Variants in DVL1 observed in about 807,000 individuals in gnomAD.
DVL1 encodes segment polarity protein dishevelled homolog DVL-1.
Under a neutral mutation model 65.0 loss-of-function variants are expected in DVL1, and 49 were observed. The ratio of observed to expected loss-of-function variants is 0.75; its 90% CI spans 0.60 to 0.96. The LOEUF (loss-of-function observed/expected upper bound fraction) is 0.96, where lower values mean the gene tolerates loss of function less well. DVL1 is among the 40% of genes least tolerant of loss of function. The pLI is 0.00. For missense variants in DVL1, 1,197 were observed against 1,045.4 expected (o/e 1.15, Z -2.00); for synonymous variants, 608 against 433.9 (o/e 1.40, Z -4.99).
At chr1:1,345,091 G>C (rs1569738202) in intron 1 of DVL1, among the ~76,000 whole-genome samples, 1 of 152,078 alleles carries the variant, frequency 6.6e-6, no homozygotes, top group East Asian at 1.9e-4. Flanking sequence ...GGCTCCACCG[G>C]AAGAGGGCCC....
In DVL1 at chr1:1,341,714, A is replaced by G; in HGVS notation, c.558T>C (p.Leu186=). ...CCGAGTCCACAAAGCTGCTGGACTC[A>G]AGCTCGCTGCTGAGGGCGGTGGACG... is the stretch of plus-strand genomic sequence containing the variant. ...DSASTALSSE[L]ESSSFVDSDE... Residue 186 remains leucine, a synonymous_variant, in exon 5 of 15, where the codon CTT becomes CTC. Transcript: ENST00000378888. 1 of 1,611,648 alleles carries G rather than the reference A, an allele frequency of 6.2e-7. No individual in the cohort carries two copies. Among genetic ancestry groups the G allele is most frequent in the Non-Finnish European group, 8.5e-7 (1 of 1,179,014 alleles).
chr1:1,342,062 G>C lies in DVL1; in HGVS notation c.457C>G (p.Arg153Gly), dbSNP rs143905285. 3 of 1,580,914 alleles carry C rather than the reference G, an allele frequency of 1.9e-6. No homozygotes were observed. In the Admixed American group the frequency reaches 5.4e-5, roughly 29 times the overall value. Residue 153 changes from arginine (R) to glycine (G), a missense_variant, in exon 4 of 15, where the codon CGC becomes GGC. Transcript: ENST00000378888. ...HRRERARRRNREEAARTNGHP... is the reference protein window; with the variant it reads ...HRRERARRRNGEEAARTNGHP... ...GACATGACCACTGTACCCTCCTCGC[G>C]GTTCCGGCGTCGGGCACGCTCCCGC...
intron 1 of DVL1, 54 bp from the exon 2 acceptor site, chr1:1,342,812 C>G (rs1367641459): frequency 6.3e-7 from 1 of 1,585,814 alleles, no homozygotes; most frequent in Admixed American, 1.7e-5. Context: ...CCCTGCGGTT[C>G]TAGAGGTGAG....
chr1:1,340,768 A>G (rs1643775533), intron 5 of DVL1, among the ~76,000 whole-genome samples: 2 of 150,942 alleles, frequency 1.3e-5, no homozygotes, highest in Admixed American at 6.6e-5. Flanking sequence ...ACCTGCACAC[A>G]CATGCACACC....
At position 1,339,394 on chromosome 1, in the gene DVL1, G is replaced by A. The variant is rs1281682617; in HGVS notation, c.1100C>T (p.Thr367Met). The A allele has an allele frequency of 1.6e-5, 25 of 1,549,000 alleles. No individual in the cohort carries two copies. The highest frequency in any genetic ancestry group is 2.2e-5 in the Non-Finnish European group (25 of 1,146,768). Residue 367 changes from threonine (T) to methionine (M), a missense_variant, in exon 11 of 15, where the codon ACG (threonine) becomes ATG (methionine). By Grantham distance (81) the Thr-to-Met change is moderately conservative (BLOSUM62 -1). Coordinates refer to ENST00000378888, the MANE Select transcript of DVL1 (RefSeq NM_001330311.2). ...GGGCAGGGCTCCTGTCAGTGCCGCC[G>A]TGTGGGACAGCCAGGCGGCGGGGTC... ...PIDPAAWLSH[T>M]AALTGALPRY...
chr1:1,346,011 C>T (rs912771742), intron 1 of DVL1, among the ~76,000 whole-genome samples: 1 of 152,134 alleles, frequency 6.6e-6, no homozygotes, highest in East Asian at 1.9e-4. Flanking sequence ...AGTGTCCCTG[C>T]TAGGCCATGG....
chr1:1,345,634 G>C (rs537212139), intron 1 of DVL1, among the ~76,000 whole-genome samples: 2 of 152,172 alleles, frequency 1.3e-5, no homozygotes, highest in Non-Finnish European at 2.9e-5. Flanking sequence ...CCGCCCCGGG[G>C]AGGAATCCAC....
At position 1,340,250 on chromosome 1, in the gene DVL1, T is replaced by C. The variant is rs903941906; in HGVS notation, c.766A>G (p.Met256Val). 4 of 1,613,818 alleles carry C rather than the reference T, an allele frequency of 2.5e-6. No individual in the cohort carries two copies. The highest frequency in any genetic ancestry group is 4.5e-5 in the East Asian group (2 of 44,876). The part of the protein sequence containing the change: ...SLNIVTVTLN[M>V]ERHHFLGISI... ...AACCCTCGCCCCGAGGCCTCACCCA[T>C]GTTGAGCGTGACAGTGACGATGTTG... is the stretch of plus-strand genomic sequence containing the variant. Residue 256 changes from methionine (M) to valine (V), a missense_variant, in exon 7 of 15, where the codon ATG becomes GTG. Physicochemically the swap from Met to Val is conservative, Grantham distance 21. Coordinates refer to ENST00000378888, the MANE Select transcript of DVL1 (RefSeq NM_001330311.2).
In DVL1 at chr1:1,337,968, C is replaced by T. The variant is rs766379009; in HGVS notation, c.1714+9G>A. ...GCCGGGGAAGGGCAGGTAGGGGCGG[C>T]GTTCTCACCTTCACTCTGCTGACTC... is the stretch of plus-strand genomic sequence containing the variant. On this transcript the variant is annotated intron_variant, in intron 14 of 14. Transcript: ENST00000378888. 8 of 1,608,986 alleles carry T rather than the reference C, an allele frequency of 5.0e-6. No homozygotes were observed. The highest frequency in any genetic ancestry group is 1.7e-5 in the Admixed American group (1 of 59,814).
chr1:1,342,937 C>A (rs1449717961), intron 1 of DVL1, among the ~76,000 whole-genome samples, 179 bp from the exon 2 acceptor site: 1 of 151,756 alleles, frequency 6.6e-6, no homozygotes, highest in African/African-American at 2.4e-5. Context: ...GGGCCCCCAC[C>A]CCCCCAGCAT....
intron 3 of DVL1, 63 bp from the exon 4 acceptor site, chr1:1,342,219 C>A: frequency 6.6e-7 from 1 of 1,508,464 alleles, no homozygotes. Context: ...TGCCGCCCAG[C>A]CCAGCCTCCC....
chr1:1,336,480 G>T lies in DVL1; in HGVS notation c.1750C>A (p.Arg584=). 1 of 1,548,354 alleles carries T rather than the reference G, an allele frequency of 6.5e-7. No homozygotes were observed. Among genetic ancestry groups the T allele is most frequent in the Non-Finnish European group, 8.6e-7 (1 of 1,156,438 alleles). The change falls in exon 15 of 15, where the codon CGG becomes AGG. Residue 584 remains arginine (R), a synonymous_variant. Coordinates refer to ENST00000378888, the MANE Select transcript of DVL1 (RefSeq NM_001330311.2). ...KSSGSTRSSR[R]APGREKERRA... Reference sequence around the variant, plus strand: ...CGCTCCTTCTCACGGCCCGGGGCCCGGCGGCTGCTCCGGGTGGACCCACTG... The same window carrying T: ...CGCTCCTTCTCACGGCCCGGGGCCCTGCGGCTGCTCCGGGTGGACCCACTG...
chr1:1,337,873 T>C (rs758442067), intron 14 of DVL1, 104 bp downstream of exon 14: 8 of 660,036 alleles, frequency 1.2e-5, no homozygotes, highest in Admixed American at 4.1e-5. Context: ...GAGCTGGGGG[T>C]GGAGCAGCAG....
chr1:1,345,411 C>A (rs1643901267), intron 1 of DVL1, among the ~76,000 whole-genome samples: 1 of 152,184 alleles, frequency 6.6e-6, no homozygotes, highest in African/African-American at 2.4e-5. Flanking sequence ...AGGTCCCAGG[C>A]AGAGCCCTGC....
At position 1,338,266 on chromosome 1, in the gene DVL1, C is replaced by T; in HGVS notation, c.1507+3G>A. On this transcript the variant is annotated splice_donor_region_variant and intron_variant, in intron 13 of 14. Coordinates refer to ENST00000378888, the MANE Select transcript of DVL1 (RefSeq NM_001330311.2). ...CGCCCTGAAGCCCGAAGCCCCCACT[C>T]ACTGCTGCAGAGATCCCCGAAGACG... 6.2e-7 allele frequency: 1 copy of T among 1,605,104 alleles called. No homozygotes were observed. Among genetic ancestry groups the T allele is most frequent in the Non-Finnish European group, 8.5e-7 (1 of 1,174,686 alleles).
chr1:1,338,749 G>A (rs778073745), intron 11 of DVL1, 96 bp from the exon 12 acceptor site: 17 of 1,495,964 alleles, frequency 1.1e-5, no homozygotes, highest in African/African-American at 2.8e-5. Flanking sequence ...CAGAGCCTGC[G>A]CCAGGGCGCA....
At chr1:1,346,993 G>C (rs1029861570) in intron 1 of DVL1, among the ~76,000 whole-genome samples, 1 of 152,150 alleles carries the variant, frequency 6.6e-6, no homozygotes, top group Non-Finnish European at 1.5e-5. Context: ...AGAGGTCTGC[G>C]GGTAGAACTC....
In DVL1 at chr1:1,336,198, G is replaced by A. The variant is rs1215406414; in HGVS notation, c.2032C>T (p.Gln678Ter). Residue 678 changes from glutamine to a stop codon, truncating the protein, a stop_gained, in exon 15 of 15, where the codon CAG (glutamine) becomes TAG (stop). Transcript: ENST00000378888. LOFTEE classifies it high-confidence loss of function. ...TTCCCCATAGCCTTCTGGAAGGACTGGCGGCTGCCTGTCAATTCCGGGGGG... is the reference window on the plus strand; with the variant it reads ...TTCCCCATAGCCTTCTGGAAGGACTAGCGGCTGCCTGTCAATTCCGGGGGG... Reference protein sequence around the residue: ...AVPPELTGSRQSFQKAMGNPC... With the variant: ...AVPPELTGSR The A allele has an allele frequency of 1.9e-6, 3 of 1,565,784 alleles. No individual in the cohort carries two copies. Among genetic ancestry groups the A allele is most frequent in the Non-Finnish European group, 2.6e-6 (3 of 1,161,158 alleles).
At chr1:1,346,462 AC>A (rs903380302) in intron 1 of DVL1, among the ~76,000 whole-genome samples, 12 of 151,588 alleles carry the variant, frequency 7.9e-5, no homozygotes, top group Non-Finnish European at 1.3e-4. Context: ...GCTGGGCGAG[AC>A]CCCCTGCCAA....
Sources: gnomAD v4.1 joint callset for allele counts (sites outside exome capture counted in the v4.1 genomes callset) on GRCh38, gnomAD v4.1.1 for gene constraint, MANE v1.5 for transcripts, NCBI Gene and HGNC (gene_info 2026-07-23, HGNC 2026-07-21) for gene names.